NBEA: variants seen among roughly 807,000 people sequenced by gnomAD.
NBEA encodes neurobeachin, also known as lysosomal-trafficking regulator 2.
A neutral mutation model predicts 343.4 loss-of-function variants in NBEA; 44 were observed. That is an observed-to-expected ratio of 0.13 (90% CI 0.10 to 0.16). The LOEUF (loss-of-function observed/expected upper bound fraction) is 0.16, where lower values mean the gene tolerates loss of function less well. Ranked by LOEUF, NBEA falls within the 10% of genes least tolerant of loss-of-function variation. The pLI is 1.00. For missense variants in NBEA, 2,555 were observed against 3,631.3 expected, an observed-to-expected ratio of 0.70 and a Z score of 7.62; for synonymous variants, 1,175 against 1,238.7, an observed-to-expected ratio of 0.95 and a Z score of 1.08.
At position 35,655,029 on chromosome 13, in the gene NBEA, C is replaced by T; in HGVS notation, c.8191+19C>T. Reference sequence around the variant, plus strand: ...GAAACAGGTAATCCTAACTATGAAACACCATATTCTCTTCAAAATGACTAT... The same window carrying T: ...GAAACAGGTAATCCTAACTATGAAATACCATATTCTCTTCAAAATGACTAT... On this transcript the variant is annotated intron_variant, in intron 54 of 58. Coordinates refer to ENST00000379939, the MANE Select transcript of NBEA (RefSeq NM_001385012.1). 6.8e-7 allele frequency: 1 copy of T among 1,462,872 alleles called. No individual in the cohort carries two copies. The highest frequency in any genetic ancestry group is 9.0e-7 in the Non-Finnish European group (1 of 1,107,484). The allele number at this position is 1,462,872 out of a possible 1,614,324, so 90.6% of individuals were successfully genotyped here.
chr13:35,532,438 A>G (rs1275364678), intron 41 of NBEA, among the ~76,000 whole-genome samples: 1 of 152,168 alleles, frequency 6.6e-6, no homozygotes, highest in African/African-American at 2.4e-5. Flanking sequence ...ATTTTGAAAT[A>G]TAATGTTGAA....
At chr13:35,043,441 T>G (rs2062727486) in intron 2 of NBEA, among the ~76,000 whole-genome samples, 1 of 151,918 alleles carries the variant, frequency 6.6e-6, no homozygotes, top group Non-Finnish European at 1.5e-5. Context: ...CCATTGCAGC[T>G]AATTGCTTAA....
At chr13:35,045,209 C>T in intron 3 of NBEA, 97 bp from the exon 4 acceptor site, 1 of 1,212,674 alleles carries the variant, frequency 8.2e-7, no homozygotes, top group African/African-American at 1.5e-5. Flanking sequence ...ATTAATTTTT[C>T]TCTCTAGTTA....
chr13:35,069,346 A>G (rs544956395), intron 8 of NBEA, among the ~76,000 whole-genome samples: 1 of 152,212 alleles, frequency 6.6e-6, no homozygotes, highest in East Asian at 1.9e-4. Context: ...CTTGTGTTTC[A>G]TAAAAAGTAA....
chr13:35,666,496 G>A lies in NBEA; in HGVS notation c.8465-878G>A, dbSNP rs148461983. Among the ~76,000 whole-genome samples the A allele has an allele frequency of 6.6e-5, 10 of 151,576 alleles. No homozygotes were observed. In the East Asian group the frequency reaches 1.9e-3, roughly 29 times the overall value. ...CCTGCAGGGGCTGTGTGATATTAGA[G>A]ATGATTGCTGGTGTTTTCCTAATTT... On this transcript the variant is annotated intron_variant, in intron 56 of 58. Coordinates refer to ENST00000379939, the MANE Select transcript of NBEA (RefSeq NM_001385012.1).
At chr13:35,460,366 C>A (rs573792665) in intron 40 of NBEA, among the ~76,000 whole-genome samples, 64 of 152,232 alleles carry the variant, frequency 4.2e-4, no homozygotes, top group Non-Finnish European at 7.6e-4. Flanking sequence ...AAATAGTATA[C>A]CCAAAGGATT....
At chr13:35,517,992 C>G (rs2077549902) in intron 41 of NBEA, among the ~76,000 whole-genome samples, 1 of 151,920 alleles carries the variant, frequency 6.6e-6, no homozygotes, top group Non-Finnish European at 1.5e-5. Context: ...TTAATATTAA[C>G]CTTTTGATTA....
At chr13:35,349,617 G>T (rs1594307761) in intron 37 of NBEA, among the ~76,000 whole-genome samples, 1 of 147,844 alleles carries the variant, frequency 6.8e-6, no homozygotes, top group African/African-American at 2.5e-5. Flanking sequence ...TTCAATTTCT[G>T]TTTTATACAT....
intron 7 of NBEA, among the ~76,000 whole-genome samples, chr13:35,057,448 T>C (rs755859999): frequency 6.6e-6 from 1 of 152,108 alleles, no homozygotes; most frequent in Non-Finnish European, 1.5e-5. Context: ...TTTTTGTTTT[T>C]TAAGAGACGC....
intron 1 of NBEA, among the ~76,000 whole-genome samples, chr13:34,963,347 A>G (rs1158289658): frequency 6.6e-6 from 1 of 151,956 alleles, no homozygotes; most frequent in Non-Finnish European, 1.5e-5. Flanking sequence ...TTATGTGAAC[A>G]TCAGTTATAT....
intron 38 of NBEA, among the ~76,000 whole-genome samples, chr13:35,422,068 T>C (rs1451600243): frequency 6.9e-6 from 1 of 144,798 alleles, no homozygotes; most frequent in African/African-American, 2.6e-5. Flanking sequence ...TTTAGAAAGT[T>C]TTCCGCCATT....
intron 41 of NBEA, among the ~76,000 whole-genome samples, chr13:35,517,137 TA>T (rs2077515034): frequency 6.6e-6 from 1 of 152,198 alleles, no homozygotes. Context: ...GATTTCTGCA[TA>T]ACATTTGACA....
At position 35,424,260 on chromosome 13, in the gene NBEA, C is replaced by T. The variant is rs200229489; in HGVS notation, c.6180-8009C>T. The stretch of plus-strand genomic sequence containing the variant: ...AAAGGGAATGCTTCCAGTTTTTGCC[C>T]ATTCAGTATGATATTGGCTGTGGGT... On this transcript the variant is annotated intron_variant, in intron 38 of 58. Transcript: ENST00000379939. Among the ~76,000 whole-genome samples, 10 of 152,242 alleles carry T rather than the reference C, an allele frequency of 6.6e-5. No homozygotes were observed. In the East Asian group the frequency reaches 1.9e-3, roughly 29 times the overall value.
Position 35,177,008 on chromosome 13 carries a change from A to G in NBEA, c.4567A>G (p.Asn1523Asp), listed in dbSNP as rs774561790. ...ATAASKTPLE[N>D]VPGNLSPIKD... ...TTTATTTTCAAAGACTCCATTGGAA[A>G]ATGTTCCAGGTAACCTTTCTCCTAT... Residue 1523 changes from asparagine to aspartate, a missense_variant, in exon 28 of 59, where the codon AAT becomes GAT. Asn to Asp is a conservative substitution (Grantham distance 23). This residue lies in a region of NBEA where 168 missense variants were observed against 193.0 expected (regional missense o/e 0.87). Transcript: ENST00000379939. 9 of 1,591,512 alleles carry G rather than the reference A, an allele frequency of 5.7e-6. No homozygotes were observed. The highest frequency in any genetic ancestry group is 1.7e-4 in the Middle Eastern group (1 of 6,050).
chr13:35,646,965 G>T (rs1249027271), intron 51 of NBEA, among the ~76,000 whole-genome samples: 1 of 152,132 alleles, frequency 6.6e-6, no homozygotes, highest in African/African-American at 2.4e-5. Flanking sequence ...AGAATTGAAT[G>T]ATTCAATACT....
chr13:35,018,731 A>G (rs1433540699), intron 1 of NBEA, among the ~76,000 whole-genome samples: 1 of 152,070 alleles, frequency 6.6e-6, no homozygotes, highest in Admixed American at 6.6e-5. Context: ...CCTTTAATTT[A>G]TTCATTTTTC....
intron 39 of NBEA, among the ~76,000 whole-genome samples, chr13:35,446,838 T>TAA (rs1396695490): frequency 6.6e-6 from 1 of 151,984 alleles, no homozygotes; most frequent in African/African-American, 2.4e-5. Context: ...CCTATATATA[T>TAA]AACTTTTCAA....
Position 35,646,272 on chromosome 13 carries a change from A to G in NBEA, c.7694A>G (p.Gln2565Arg). The change falls in exon 51 of 59, where the codon CAG (glutamine) becomes CGG (arginine). Residue 2565 changes from glutamine (Q) to arginine (R), a missense_variant. Physicochemically the swap from Gln to Arg is conservative, Grantham distance 43. Transcript: ENST00000379939. The stretch of plus-strand genomic sequence containing the variant: ...CTTCCCCTGCAGGCCATGGAGGCAC[A>G]GATACAGAACTTTGGACAGACGCCA... ...TKDFIKAMEAQIQNFGQTPSQ... is the reference protein window; with the variant it reads ...TKDFIKAMEARIQNFGQTPSQ... 2 of 1,613,390 alleles carry G rather than the reference A, an allele frequency of 1.2e-6. No homozygotes were observed. Among genetic ancestry groups the G allele is most frequent in the Non-Finnish European group, 1.7e-6 (2 of 1,179,548 alleles).
rs112460141 is a variant in NBEA at position 35,151,282 on chromosome 13, G to A, written c.2446-4492G>A. On this transcript the variant is annotated intron_variant, in intron 18 of 58. Transcript: ENST00000379939. ...TCACAGGCCGGGCTCGGTGGCTCAC[G>A]CCTATAATCCCAGCACTTTGGGAGG... 5.9e-5 allele frequency among the ~76,000 whole-genome samples: 9 copies of A among 151,832 alleles called. 1 individual carries two copies. Among genetic ancestry groups the A allele is most frequent in the South Asian group, 4.2e-4 (2 of 4,786 alleles).
Sources: gnomAD v4.1 joint callset for allele counts (sites outside exome capture counted in the v4.1 genomes callset) on GRCh38, gnomAD v4.1.1 for gene constraint, gnomAD v4.1.1 regional missense constraint, MANE v1.5 for transcripts, NCBI Gene and HGNC (gene_info 2026-07-23, HGNC 2026-07-21) for gene names.